Variants in RGS12 observed in about 807,000 individuals in gnomAD.
RGS12 encodes the protein regulator of G protein signaling 12.
Under a neutral mutation model 120.1 loss-of-function variants are expected in RGS12, and 66 were observed. That is an observed-to-expected ratio of 0.55 (90% confidence interval 0.45 to 0.67). The LOEUF (loss-of-function observed/expected upper bound fraction) is 0.67. Ranked by LOEUF, RGS12 falls within the 30% of genes least tolerant of loss-of-function variation. The pLI, the probability that RGS12 is intolerant of heterozygous loss-of-function variation, is 0.00. For synonymous variants in RGS12, 827 were observed against 804.7 expected, an observed-to-expected ratio of 1.03 and a Z score of -0.47; for missense variants, 1,859 against 1,957.7, an observed-to-expected ratio of 0.95 and a Z score of 0.95.
At chr4:3,305,549 C>G (rs1190391762) in intron 1 of RGS12, among the ~76,000 whole-genome samples, 1 of 152,236 alleles carries the variant, frequency 6.6e-6, no homozygotes. Flanking sequence ...ACGCCGTCAG[C>G]TCATCCAACC....
At chr4:3,392,165 A>G (rs1338561681) in intron 4 of RGS12, among the ~76,000 whole-genome samples, 1 of 152,192 alleles carries the variant, frequency 6.6e-6, no homozygotes, top group African/African-American at 2.4e-5. Flanking sequence ...TCTCAGGGAC[A>G]GGACCTGTGC....
At chr4:3,404,653 C>T (rs1720929380) in intron 4 of RGS12, among the ~76,000 whole-genome samples, 1 of 152,174 alleles carries the variant, frequency 6.6e-6, no homozygotes, top group Non-Finnish European at 1.5e-5. Context: ...TCAGTATGAA[C>T]CGATGGCTTT....
chr4:3,332,903 C>T (rs548405247), intron 2 of RGS12, among the ~76,000 whole-genome samples: 1 of 152,324 alleles, frequency 6.6e-6, no homozygotes, highest in South Asian at 2.1e-4. Flanking sequence ...CGGCTCACTG[C>T]AACCTCCGCC....
chr4:3,422,575 T>G lies in RGS12; in HGVS notation c.3033+5T>G. ...TTCCTGGTGGGCGGGGACAAGGTAC[T>G]GGGCCCGCCTGACCCTCGTGCTGCC... On this transcript the variant is annotated splice_donor_5th_base_variant and intron_variant, in intron 11 of 17. Coordinates refer to ENST00000336727, the MANE Select transcript of RGS12 (RefSeq NM_001394154.1). 1 of 1,608,938 alleles carries G rather than the reference T, an allele frequency of 6.2e-7. No individual in the cohort carries two copies. The highest frequency in any genetic ancestry group is 2.2e-5 in the East Asian group (1 of 44,838).
chr4:3,381,551 A>C lies in RGS12; in HGVS notation c.1999-4865A>C, dbSNP rs143757410. Among the ~76,000 whole-genome samples, 95 of 152,316 alleles carry C rather than the reference A, an allele frequency of 6.2e-4. 1 individual carries two copies. The East Asian group carries it at 0.016, about 26-fold the overall frequency. On this transcript the variant is annotated intron_variant, in intron 3 of 17. Transcript: ENST00000336727. ...TACAATCATGGCAGAAGGGAAAGCA[A>C]ACACGTCCTTCTTCACATGGTGGCA...
At chr4:3,429,754 C>T (rs1724046422) in intron 16 of RGS12, among the ~76,000 whole-genome samples, 1 of 152,178 alleles carries the variant, frequency 6.6e-6, no homozygotes, top group South Asian at 2.1e-4. Flanking sequence ...CCCAGGGGCA[C>T]CCGTCCTGGC....
chr4:3,403,774 AG>A (rs1012621262), intron 4 of RGS12, among the ~76,000 whole-genome samples: 1 of 152,236 alleles, frequency 6.6e-6, no homozygotes, highest in African/African-American at 2.4e-5. Context: ...AGCCCCTCAC[AG>A]GGATTCCCGT....
In RGS12 at chr4:3,439,646, A is replaced by C; in HGVS notation, c.4306A>C (p.Lys1436Gln). The change falls in exon 18 of 18, where the codon AAG (lysine) becomes CAG (glutamine). Residue 1436 changes from lysine to glutamine, a missense_variant. Transcript: ENST00000336727. ...GLGPVPGEPA[K>Q]PKTSAHHATF... ...GGGCCCCGTCCCGGGTGAGCCTGCT[A>C]AGCCCAAGACCAGCGCTCACCACGC... 6.3e-7 allele frequency: 1 copy of C among 1,582,464 alleles called. No homozygotes were observed. The highest frequency in any genetic ancestry group is 2.3e-5 in the East Asian group (1 of 44,324).
chr4:3,321,303 TGA>T (rs770370455), intron 2 of RGS12, among the ~76,000 whole-genome samples: 2 of 152,206 alleles, frequency 1.3e-5, no homozygotes, highest in East Asian at 1.9e-4. Context: ...ATCGCAGCTG[TGA>T]GAGAGTGAAG....
chr4:3,347,337 G>A (rs142883674), intron 3 of RGS12, among the ~76,000 whole-genome samples: 1,771 of 152,108 alleles, frequency 0.012, 45 homozygotes, highest in African/African-American at 0.039. Context: ...TCAGCTACTC[G>A]GGAGGGTGAG....
At chr4:3,396,335 G>A (rs1030150894) in intron 4 of RGS12, among the ~76,000 whole-genome samples, 1 of 152,076 alleles carries the variant, frequency 6.6e-6, no homozygotes, top group Non-Finnish European at 1.5e-5. Context: ...TTCCCCTTAG[G>A]GTAATGCTTA....
At chr4:3,371,322 G>A (rs1716962125) in intron 3 of RGS12, among the ~76,000 whole-genome samples, 1 of 152,208 alleles carries the variant, frequency 6.6e-6, no homozygotes, top group African/African-American at 2.4e-5. Flanking sequence ...ATGTGTTCCT[G>A]TAACCTCTGT....
intron 3 of RGS12, among the ~76,000 whole-genome samples, chr4:3,371,421 G>A (rs1716970648): frequency 6.6e-6 from 1 of 152,194 alleles, no homozygotes; most frequent in Non-Finnish European, 1.5e-5. Flanking sequence ...TTATTTGTAG[G>A]CAGCACTTTC....
intron 17 of RGS12, chr4:3,431,392 A>G (rs964176106): frequency 8.9e-6 from 9 of 1,012,946 alleles, no homozygotes; most frequent in Middle Eastern, 4.9e-4. Context: ...CGCTGTGTTC[A>G]TAGCAGGAGA....
intron 4 of RGS12, among the ~76,000 whole-genome samples, chr4:3,396,944 A>G (rs1384546676): frequency 1.3e-5 from 2 of 151,810 alleles, no homozygotes; most frequent in African/African-American, 4.8e-5. Context: ...GTAATTATAC[A>G]TATGTGATCT....
At chr4:3,340,603 G>A (rs1419173077) in intron 2 of RGS12, among the ~76,000 whole-genome samples, 2 of 152,226 alleles carry the variant, frequency 1.3e-5, no homozygotes, top group Non-Finnish European at 2.9e-5. Context: ...GGACACTCAA[G>A]GTGCCTGCCA....
chr4:3,337,689 G>C (rs1265554245), intron 2 of RGS12, among the ~76,000 whole-genome samples: 2 of 152,134 alleles, frequency 1.3e-5, no homozygotes, highest in Non-Finnish European at 2.9e-5. Context: ...AGGGGGCCTG[G>C]GGGAGGGGAA....
At chr4:3,381,252 A>G (rs1438871227) in intron 3 of RGS12, among the ~76,000 whole-genome samples, 2 of 152,230 alleles carry the variant, frequency 1.3e-5, no homozygotes, top group African/African-American at 4.8e-5. Flanking sequence ...GGTCAAAGCC[A>G]TTCAACAGAT....
At chr4:3,344,890 T>C (rs2749781) in intron 3 of RGS12, among the ~76,000 whole-genome samples, 106,108 of 152,142 alleles carry the variant, frequency 0.7, 38,818 homozygotes, top group African/African-American at 0.92. Flanking sequence ...CGCTGCTGGC[T>C]GCCTTCCATG....
Sources: allele counts gnomAD v4.1 joint callset (sites outside exome capture counted in the v4.1 genomes callset), GRCh38; gene constraint gnomAD v4.1.1; transcripts MANE v1.5; gene names NCBI Gene and HGNC (gene_info 2026-07-23, HGNC 2026-07-21).